TMEM62: variants seen among roughly 807,000 people sequenced by gnomAD.
The protein encoded by TMEM62 is transmembrane protein 62.
A neutral mutation model predicts 70.4 loss-of-function variants in TMEM62; 41 were observed. The ratio of observed to expected loss-of-function variants is 0.58; its 90% confidence interval spans 0.45 to 0.76. TMEM62 has a LOEUF of 0.76. Among genes scored for constraint, TMEM62 ranks in the 30% least tolerant of loss-of-function variants. The pLI is 0.00. For missense variants in TMEM62, 688 were observed against 788.5 expected (o/e 0.87, Z 1.53); for synonymous variants, 268 against 291.0 (o/e 0.92, Z 0.80).
rs747370012 is a variant in TMEM62, at chr15:43,149,065, A to G, written c.780A>G (p.Thr260=). 31 of 1,614,044 alleles carry G rather than the reference A, an allele frequency of 1.9e-5. No homozygotes were observed. In the East Asian group the frequency reaches 4.2e-4, roughly 22 times the overall value. ...AIAYLCGHLH[T]LGGLMPVLHT... ...CTTATTTGTGTGGACATCTCCATACACTTGGTGGACTGATGCCTGTTTTGC... is the reference window on the plus strand; with the variant it reads ...CTTATTTGTGTGGACATCTCCATACGCTTGGTGGACTGATGCCTGTTTTGC... Residue 260 remains threonine (T), a synonymous_variant, in exon 7 of 14, where the codon ACA becomes ACG. Transcript: ENST00000260403.
intron 3 of TMEM62, among the ~76,000 whole-genome samples, chr15:43,136,822 G>A (rs1209867364): frequency 2.0e-5 from 3 of 152,034 alleles, no homozygotes; most frequent in Non-Finnish European, 4.4e-5. Context: ...TGTGAGTATA[G>A]CTCATTGCAG....
At position 43,133,797 on chromosome 15, in the gene TMEM62, G is replaced by T; in HGVS notation, c.-6G>T. On this transcript the variant is annotated 5_prime_UTR_variant, in exon 1 of 14. Coordinates refer to ENST00000260403, the MANE Select transcript of TMEM62 (RefSeq NM_024956.4). ...AGCGAGGGCCGCGCCCCGGCGGGCG[G>T]GCGGCATGGCTGCAGTGCTGGCTCT... 7.3e-7 allele frequency: 1 copy of T among 1,365,418 alleles called. No individual in the cohort carries two copies. Among genetic ancestry groups the T allele is most frequent in the South Asian group, 1.8e-5 (1 of 55,548 alleles). 84.6% of individuals were successfully genotyped at this position (1,365,418 alleles called of 1,614,324 possible).
intron 11 of TMEM62, 128 bp from the exon 12 acceptor site, chr15:43,178,479 A>G: frequency 1.7e-6 from 1 of 604,348 alleles, no homozygotes; most frequent in Non-Finnish European, 2.9e-6. Flanking sequence ...TGTCATCTGT[A>G]TAGTTACCAT....
intron 11 of TMEM62, among the ~76,000 whole-genome samples, chr15:43,173,855 C>CTTT (rs751203696): frequency 1.7e-4 from 18 of 107,348 alleles, no homozygotes; most frequent in Non-Finnish European, 2.3e-4. Context: ...AATGCAGGAA[C>CTTT]TTTTTTTTTT....
intron 10 of TMEM62, among the ~76,000 whole-genome samples, chr15:43,169,347 G>A (rs1251002612): frequency 6.6e-6 from 1 of 152,134 alleles, no homozygotes; most frequent in Non-Finnish European, 1.5e-5. Flanking sequence ...TATCACTCTA[G>A]AGCTGTTTTA....
intron 11 of TMEM62, among the ~76,000 whole-genome samples, chr15:43,174,350 A>G (rs138989091): frequency 6.6e-6 from 1 of 152,360 alleles, no homozygotes; most frequent in African/African-American, 2.4e-5. Flanking sequence ...ATGATTAAAC[A>G]GTAACATGAT....
intron 4 of TMEM62, among the ~76,000 whole-genome samples, chr15:43,141,311 C>T (rs2035974811): frequency 6.6e-6 from 1 of 152,206 alleles, no homozygotes; most frequent in Non-Finnish European, 1.5e-5. Flanking sequence ...ACTTACCATT[C>T]TGAAAATCCT....
At chr15:43,173,740 T>C (rs1285470408) in intron 11 of TMEM62, among the ~76,000 whole-genome samples, 1 of 152,156 alleles carries the variant, frequency 6.6e-6, no homozygotes, top group African/African-American at 2.4e-5. Flanking sequence ...TGAATCCCTA[T>C]AGTCCTTTCT....
At chr15:43,170,931 G>C (rs1297466365) in intron 11 of TMEM62, among the ~76,000 whole-genome samples, 1 of 152,198 alleles carries the variant, frequency 6.6e-6, no homozygotes, top group Non-Finnish European at 1.5e-5. Context: ...AAAGCCAAGA[G>C]TACAGAATCA....
rs145989731 is a variant in TMEM62, at chr15:43,140,978, C to T, written c.476+2359C>T. On this transcript the variant is annotated intron_variant, in intron 4 of 13. Transcript: ENST00000260403. ...GCCCATAGTCAGGGCCCGCTGGAGACTCTCAGTATCCTGTTTCCTCGGCTC... is the reference window on the plus strand; with the variant it reads ...GCCCATAGTCAGGGCCCGCTGGAGATTCTCAGTATCCTGTTTCCTCGGCTC... 2.7e-3 allele frequency among the ~76,000 whole-genome samples: 405 copies of T among 152,320 alleles called. 3 individuals are homozygous for T. Among genetic ancestry groups the T allele is most frequent in the African/African-American group, 9.5e-3 (394 of 41,566 alleles).
intron 10 of TMEM62, chr15:43,169,184 C>G (rs2141972433): frequency 6.2e-6 from 1 of 160,730 alleles, no homozygotes; most frequent in East Asian, 1.8e-4. Flanking sequence ...ATTTTTGGTT[C>G]TTATGAAAGT....
At position 43,148,760 on chromosome 15, in the gene TMEM62, G is replaced by C. The variant is rs763327244; in HGVS notation, c.624G>C (p.Lys208Asn). The C allele has an allele frequency of 3.1e-6, 5 of 1,612,736 alleles. No individual in the cohort carries two copies. Residue 208 changes from lysine to asparagine, a missense_variant, in exon 6 of 14, where the codon AAG (lysine) becomes AAC (asparagine). Lys to Asn is a moderately conservative substitution (Grantham distance 94). Transcript: ENST00000260403. ...CCATTTTTCTCCCATCTCAGAAAAAGATGGAGGAGCTCTTATTACTGGCCA... is the reference window on the plus strand; with the variant it reads ...CCATTTTTCTCCCATCTCAGAAAAACATGGAGGAGCTCTTATTACTGGCCA... Reference protein sequence around the residue: ...YNFFGILDKKKMEELLLLAKE... With the variant: ...YNFFGILDKKNMEELLLLAKE...
intron 7 of TMEM62, 109 bp from the exon 8 acceptor site, chr15:43,151,681 C>A (rs959829634): frequency 4.4e-6 from 4 of 903,684 alleles, no homozygotes; most frequent in Admixed American, 2.5e-5. Context: ...TCAAATTAAT[C>A]ATGTAAAAAA....
chr15:43,178,564 C>G (rs377548644), intron 11 of TMEM62, 43 bp from the exon 12 acceptor site: 2 of 1,260,262 alleles, frequency 1.6e-6, no homozygotes, highest in East Asian at 4.7e-5. Context: ...AGAAACTGAA[C>G]TTTGCATGTG....
chr15:43,161,882 G>A (rs185702184), intron 10 of TMEM62, among the ~76,000 whole-genome samples: 101 of 151,988 alleles, frequency 6.6e-4, no homozygotes, highest in East Asian at 4.2e-3. Context: ...GGCTGGTCTC[G>A]AACTCCTGAC....
chr15:43,179,603 C>T (rs769368142), intron 12 of TMEM62, among the ~76,000 whole-genome samples: 30 of 152,192 alleles, frequency 2.0e-4, no homozygotes, highest in Non-Finnish European at 7.3e-5. Flanking sequence ...CATGACTGTA[C>T]TTATAAAGTC....
chr15:43,138,002 T>TA (rs2141477529), intron 3 of TMEM62, among the ~76,000 whole-genome samples: 1 of 152,316 alleles, frequency 6.6e-6, no homozygotes, highest in African/African-American at 2.4e-5. Context: ...CCTGAAAAGG[T>TA]ACCACTGCCC....
At chr15:43,136,420 T>A (rs1339227187) in intron 3 of TMEM62, among the ~76,000 whole-genome samples, 1 of 152,100 alleles carries the variant, frequency 6.6e-6, no homozygotes, top group Non-Finnish European at 1.5e-5. Context: ...TAGCTTTTAT[T>A]TTTTCTTTTT....
At chr15:43,167,324 A>G (rs2039602400) in intron 10 of TMEM62, among the ~76,000 whole-genome samples, 1 of 151,268 alleles carries the variant, frequency 6.6e-6, no homozygotes, top group Admixed American at 6.6e-5. Flanking sequence ...CTCACTTCCC[A>G]GACGGGGTGG....
Sources: allele counts gnomAD v4.1 joint callset (sites outside exome capture counted in the v4.1 genomes callset), GRCh38; gene constraint gnomAD v4.1.1; transcripts MANE v1.5; gene names NCBI Gene and HGNC (gene_info 2026-07-23, HGNC 2026-07-21).